TGM3: variants seen among roughly 807,000 people sequenced by gnomAD.
TGM3 encodes the protein protein-glutamine gamma-glutamyltransferase E.
In TGM3, 52 loss-of-function variants were observed where a neutral mutation model predicts 73.8. The ratio of observed to expected loss-of-function variants is 0.70; its 90% CI spans 0.56 to 0.89. The LOEUF is 0.89. Among genes scored for constraint, TGM3 ranks in the 40% least tolerant of loss-of-function variants. The probability of loss-of-function intolerance (pLI) is 0.00; values close to 1 mark genes in which losing one functional copy is unlikely to be tolerated. For missense variants in TGM3, 928 were observed against 909.9 expected (o/e 1.02, Z -0.26); for synonymous variants, 372 against 354.9 (o/e 1.05, Z -0.54).
intron 7 of TGM3, among the ~76,000 whole-genome samples, chr20:2,319,577 C>T (rs373079340): frequency 6.6e-6 from 1 of 152,194 alleles, no homozygotes; most frequent in Non-Finnish European, 1.5e-5. Flanking sequence ...CTTAACATCA[C>T]CTTTGGGACA....
rs182687976 is a variant in TGM3, at chr20:2,334,044, A to G, written c.1643-1072A>G. Among the ~76,000 whole-genome samples the G allele has an allele frequency of 1.3e-5, 2 of 152,306 alleles. No homozygotes were observed. The highest frequency in any genetic ancestry group is 3.9e-4 in the East Asian group (2 of 5,178). On this transcript the variant is annotated intron_variant, in intron 10 of 12. Coordinates refer to ENST00000381458, the MANE Select transcript of TGM3 (RefSeq NM_003245.4). This position sits in a 1 kb window ranked among gnomAD's most constrained non-coding sequence, Gnocchi z 4.0. ...GTGGGTGCTGGGGCATCCCCAGGCC[A>G]CCCAGCATGACAGCCTGAGGGAAGG...
At chr20:2,303,779 G>A (rs368666566) in intron 1 of TGM3, among the ~76,000 whole-genome samples, 67 of 151,482 alleles carry the variant, frequency 4.4e-4, no homozygotes, top group Middle Eastern at 3.4e-3. Context: ...AATTGCTGCT[G>A]GCACTGATGT....
At chr20:2,319,106 G>A (rs1368930222) in intron 7 of TGM3, among the ~76,000 whole-genome samples, 1 of 152,214 alleles carries the variant, frequency 6.6e-6, no homozygotes, top group African/African-American at 2.4e-5. Context: ...TCTCATGAAT[G>A]AGTGTCTTCT....
intron 8 of TGM3, 135 bp from the exon 9 acceptor site, chr20:2,327,983 GAC>G (rs1253931825): frequency 8.1e-7 from 1 of 1,242,016 alleles, no homozygotes; most frequent in African/African-American, 1.5e-5. Context: ...AAATGAGTGG[GAC>G]ACACAGTCAG....
chr20:2,313,445 A>C (rs1296071849), intron 5 of TGM3, among the ~76,000 whole-genome samples: 3 of 152,146 alleles, frequency 2.0e-5, no homozygotes, highest in Non-Finnish European at 4.4e-5. Context: ...TGCCTAACTC[A>C]TCTCTTCCAC....
intron 7 of TGM3, among the ~76,000 whole-genome samples, chr20:2,321,948 T>C (rs1287330747): frequency 2.9e-5 from 4 of 138,612 alleles, no homozygotes; most frequent in Admixed American, 1.5e-4. Flanking sequence ...TACTTATCAA[T>C]TTTTTTTTTT....
chr20:2,313,128 C>T, intron 5 of TGM3, 102 bp downstream of exon 5: 10 of 1,499,998 alleles, frequency 6.7e-6, no homozygotes, highest in Non-Finnish European at 9.1e-6. Context: ...TCATTAAAGC[C>T]TCACCAATTA....
intron 10 of TGM3, among the ~76,000 whole-genome samples, chr20:2,333,386 G>GTTTT (rs2084331266): frequency 1.3e-5 from 2 of 152,040 alleles, no homozygotes; most frequent in Admixed American, 6.5e-5. Context: ...TTGTTTGTTT[G>GTTTT]TTTTTGTTTA....
chr20:2,328,389 G>A lies in TGM3; in HGVS notation c.1333+24G>A. 3.7e-6 allele frequency: 6 copies of A among 1,613,162 alleles called. No homozygotes were observed. Among genetic ancestry groups the A allele is most frequent in the Non-Finnish European group, 4.2e-6 (5 of 1,179,458 alleles). On this transcript the variant is annotated intron_variant, in intron 9 of 12. Coordinates refer to ENST00000381458, the MANE Select transcript of TGM3 (RefSeq NM_003245.4). This position sits in a 1 kb window ranked among gnomAD's most constrained non-coding sequence, Gnocchi z 5.2. ...AGGTAGGAGGGACGCTGGCGGGGCA[G>A]TGCCGCGAGAGGTTCTATTGTGGGA...
chr20:2,324,441 C>T (rs1282648951), intron 7 of TGM3, among the ~76,000 whole-genome samples: 1 of 152,182 alleles, frequency 6.6e-6, no homozygotes, highest in Non-Finnish European at 1.5e-5. Context: ...GATTTTGGCT[C>T]ATACCCCAGA....
intron 5 of TGM3, among the ~76,000 whole-genome samples, chr20:2,314,524 TACACATACACACACACAC>T (rs921011627): frequency 1.2e-4 from 12 of 101,116 alleles, no homozygotes; most frequent in African/African-American, 4.4e-4. Context: ...AGACCTCATC[TACACATACACACACACAC>T]ACACACACAC....
At position 2,325,887 on chromosome 20, in the gene TGM3, C is replaced by A; in HGVS notation, c.1022C>A (p.Ser341Tyr). ...HVWNEGWFVRSDLGPSYGGWQ... is the reference protein window; with the variant it reads ...HVWNEGWFVRYDLGPSYGGWQ... ...TGGAATGAAGGCTGGTTTGTGAGGT[C>A]TGACCTGGGCCCCTCGTACGGTGGA... The change falls in exon 8 of 13, where the codon TCT becomes TAT. Residue 341 changes from serine to tyrosine, a missense_variant. Physicochemically the swap from Ser to Tyr is moderately radical, Grantham distance 144. Coordinates refer to ENST00000381458, the MANE Select transcript of TGM3 (RefSeq NM_003245.4). 6.3e-7 allele frequency: 1 copy of A among 1,585,494 alleles called. No homozygotes were observed. The highest frequency in any genetic ancestry group is 2.3e-5 in the East Asian group (1 of 43,574).
chr20:2,310,305 T>G lies in TGM3; in HGVS notation c.309T>G (p.Pro103=). The change falls in exon 3 of 13, where the codon CCT becomes CCG. Residue 103 remains proline, a synonymous_variant. Transcript: ENST00000381458. The part of the protein sequence containing the change: ...GNTLTISISS[P]ASAPIGRYTM... ...CTCTGACTATCAGCATCTCCAGTCC[T>G]GCCAGCGCACCCATAGGACGGTACA... 1.2e-6 allele frequency: 2 copies of G among 1,614,248 alleles called. No homozygotes were observed. Among genetic ancestry groups the G allele is most frequent in the Non-Finnish European group, 8.5e-7 (1 of 1,180,034 alleles).
intron 1 of TGM3, among the ~76,000 whole-genome samples, chr20:2,299,314 C>T (rs2122204023): frequency 6.6e-6 from 1 of 152,238 alleles, no homozygotes; most frequent in Admixed American, 6.5e-5. Context: ...GGGGCGATTC[C>T]CAGGGGACCC....
intron 4 of TGM3, 68 bp from the exon 5 acceptor site, chr20:2,312,830 A>T: frequency 6.3e-7 from 1 of 1,599,354 alleles, no homozygotes; most frequent in East Asian, 2.2e-5. Context: ...TTGCCAGTGC[A>T]GTTCCCTTCT....
intron 1 of TGM3, 127 bp downstream of exon 1, chr20:2,296,197 C>A: frequency 1.7e-6 from 2 of 1,198,942 alleles, no homozygotes; most frequent in Non-Finnish European, 2.4e-6. Context: ...GGCCAGACTT[C>A]CTATTTTAGG....
intron 1 of TGM3, among the ~76,000 whole-genome samples, chr20:2,297,486 C>T (rs1194961444): frequency 2.6e-5 from 4 of 152,156 alleles, no homozygotes; most frequent in South Asian, 2.1e-4. Flanking sequence ...TGGACAGGCA[C>T]GTGCCCAGCC....
chr20:2,315,863 C>A (rs1428117606), intron 5 of TGM3, among the ~76,000 whole-genome samples: 1 of 152,226 alleles, frequency 6.6e-6, no homozygotes, highest in East Asian at 1.9e-4. Context: ...CTCAGTGTCT[C>A]CTTCTCTCTT....
Position 2,296,013 on chromosome 20 carries a change from T to G in TGM3, c.-51T>G, listed in dbSNP as rs938395355. The stretch of plus-strand genomic sequence containing the variant: ...TCCTTGGCAGCCTGTCTGTCAGCAC[T>G]GTCCGTGCCATTCCCAGAGGAGCCT... On this transcript the variant is annotated 5_prime_UTR_variant, in exon 1 of 13. Coordinates refer to ENST00000381458, the MANE Select transcript of TGM3 (RefSeq NM_003245.4). 26 of 1,550,370 alleles carry G rather than the reference T, an allele frequency of 1.7e-5. No individual in the cohort carries two copies. The highest frequency in any genetic ancestry group is 2.1e-5 in the Non-Finnish European group (24 of 1,145,986).
Sources: allele counts gnomAD v4.1 joint callset (sites outside exome capture counted in the v4.1 genomes callset), GRCh38; gene constraint gnomAD v4.1.1; non-coding constraint Gnocchi (gnomAD v3.1); transcripts MANE v1.5; gene names NCBI Gene and HGNC (gene_info 2026-07-23, HGNC 2026-07-21).